ACSBG1: variants seen among roughly 807,000 people sequenced by gnomAD.
ACSBG1 encodes long-chain-fatty-acid--CoA ligase ACSBG1.
A neutral mutation model predicts 80.2 loss-of-function variants in ACSBG1; 39 were observed. The ratio of observed to expected loss-of-function variants is 0.49; its 90% CI spans 0.38 to 0.64. ACSBG1 has a LOEUF of 0.64. ACSBG1 is among the 30% of genes least tolerant of loss of function. ACSBG1 has a pLI of 0.00. For missense variants in ACSBG1, 828 were observed against 966.4 expected (o/e 0.86, Z 1.90); for synonymous variants, 392 against 379.5 (o/e 1.03, Z -0.38).
intron 2 of ACSBG1, among the ~76,000 whole-genome samples, chr15:78,194,972 C>T (rs1435231045): frequency 6.6e-6 from 1 of 152,242 alleles, no homozygotes; most frequent in East Asian, 1.9e-4. Context: ...GAGGAAATAA[C>T]TGGAGGACAG....
intron 10 of ACSBG1, among the ~76,000 whole-genome samples, chr15:78,179,318 C>T (rs1212813829): frequency 1.3e-5 from 2 of 152,140 alleles, no homozygotes; most frequent in Non-Finnish European, 2.9e-5. Context: ...TGTTTTCAAC[C>T]ACAGACTCAC....
Position 78,193,998 on chromosome 15 carries a change from C to G in ACSBG1, c.476G>C (p.Ser159Thr), listed in dbSNP as rs1459700676. The change falls in exon 4 of 14, where the codon AGT (serine) becomes ACT (threonine). Residue 159 changes from serine to threonine, a missense_variant. Coordinates refer to ENST00000258873, the MANE Select transcript of ACSBG1 (RefSeq NM_015162.5). ...FLKLGLKQAH[S>T]VAILGFNSPE... ...GGAGTTGAAGCCGAGGATGGCCACA[C>G]TGTGGGCCTGCTTCAGGCCGAGCTC... 2.5e-6 allele frequency: 4 copies of G among 1,614,036 alleles called. No homozygotes were observed. The highest frequency in any genetic ancestry group is 1.7e-5 in the Admixed American group (1 of 60,030).
chr15:78,183,631 A>C (rs11072737), intron 5 of ACSBG1, among the ~76,000 whole-genome samples: 151,140 of 152,324 alleles, frequency 0.99, 74,993 homozygotes, highest in Middle Eastern at 1. Context: ...TGTGTATAGG[A>C]AGAGCGGGAA....
In ACSBG1 at chr15:78,178,604, G is replaced by C. The variant is rs1200852095; in HGVS notation, c.1702+10C>G. On this transcript the variant is annotated intron_variant, in intron 11 of 13. Coordinates refer to ENST00000258873, the MANE Select transcript of ACSBG1 (RefSeq NM_015162.5). The surrounding 1 kb of genome is among the most constrained non-coding windows in gnomAD (Gnocchi z 4.3). ...GGCATGAGCCACCGTGCCTGGCCTG[G>C]GGTGCTCACCTTTGAGGCGCCCAGT... is the stretch of plus-strand genomic sequence containing the variant. The C allele has an allele frequency of 6.2e-7, 1 of 1,601,414 alleles. No homozygotes were observed. The highest frequency in any genetic ancestry group is 1.7e-5 in the Admixed American group (1 of 59,546).
At chr15:78,192,554 T>C in intron 5 of ACSBG1, among the ~76,000 whole-genome samples, 1 of 152,186 alleles carries the variant, frequency 6.6e-6, no homozygotes, top group East Asian at 1.9e-4. Context: ...AGGTTCTGCC[T>C]CAAGGGTCTG....
At position 78,178,908 on chromosome 15, in the gene ACSBG1, A is replaced by G. The variant is rs954924637; in HGVS notation, c.1485-77T>C. 2.1e-6 allele frequency: 3 copies of G among 1,428,702 alleles called. No individual in the cohort carries two copies. Among genetic ancestry groups the G allele is most frequent in the Non-Finnish European group, 2.8e-6 (3 of 1,064,892 alleles). The allele number at this position is 1,428,702 out of a possible 1,614,324, so 88.5% of individuals were successfully genotyped here. On this transcript the variant is annotated intron_variant, in intron 10 of 13. Transcript: ENST00000258873. This position sits in a 1 kb window ranked among gnomAD's most constrained non-coding sequence, Gnocchi z 4.3. ...CCCCCACTGGGGAGCCGGGGTCCCAACTGCTCGGTCTTCACTGATTGCTAG... is the reference window on the plus strand; with the variant it reads ...CCCCCACTGGGGAGCCGGGGTCCCAGCTGCTCGGTCTTCACTGATTGCTAG...
intron 5 of ACSBG1, among the ~76,000 whole-genome samples, chr15:78,192,320 G>C (rs903724065): frequency 1.3e-5 from 2 of 152,106 alleles, no homozygotes; most frequent in Non-Finnish European, 2.9e-5. Context: ...CTGCATTTGA[G>C]CTCTGGCAGG....
intron 1 of ACSBG1, among the ~76,000 whole-genome samples, chr15:78,223,068 G>C (rs2075371149): frequency 6.6e-6 from 1 of 152,148 alleles, no homozygotes; most frequent in Non-Finnish European, 1.5e-5. Context: ...CAACATATGG[G>C]AAGTAACCTA....
chr15:78,187,703 C>T (rs2075018964), intron 5 of ACSBG1, among the ~76,000 whole-genome samples: 1 of 152,034 alleles, frequency 6.6e-6, no homozygotes, highest in African/African-American at 2.4e-5. Context: ...CTATGACAAA[C>T]CCACAGCCAA....
intron 5 of ACSBG1, among the ~76,000 whole-genome samples, chr15:78,191,209 A>G (rs1595887681): frequency 6.6e-6 from 1 of 152,246 alleles, no homozygotes; most frequent in East Asian, 1.9e-4. Flanking sequence ...TCAAGAAAAC[A>G]TAATAATCTA....
intron 1 of ACSBG1, among the ~76,000 whole-genome samples, chr15:78,215,739 A>AAAGGAAGAAAGAAAGAAAGAAAGG (rs748940789): frequency 2.1e-4 from 30 of 140,574 alleles, no homozygotes; most frequent in South Asian, 1.4e-3. Context: ...AGAAAGAAAG[A>AAAGGAAGAAAGAAAGAAAGAAAGG]AAGAAAGAAA....
At chr15:78,230,801 A>T (rs974978245) in intron 1 of ACSBG1, among the ~76,000 whole-genome samples, 4 of 152,102 alleles carry the variant, frequency 2.6e-5, no homozygotes, top group African/African-American at 9.7e-5. Flanking sequence ...GCCACATGGA[A>T]CTGTAAGTCC....
intron 1 of ACSBG1, chr15:78,226,384 T>C (rs2075400609): frequency 6.6e-6 from 1 of 152,298 alleles, no homozygotes; most frequent in African/African-American, 2.4e-5. Flanking sequence ...AGAGGCTGCA[T>C]ACTGCACCTA....
chr15:78,174,262 G>C, intron 12 of ACSBG1, 123 bp downstream of exon 12: 2 of 1,374,848 alleles, frequency 1.5e-6, no homozygotes, highest in East Asian at 2.3e-5. Context: ...GCACGGACTT[G>C]AGTCATTCCA....
At chr15:78,224,455 C>T (rs193010374) in intron 1 of ACSBG1, among the ~76,000 whole-genome samples, 4 of 152,250 alleles carry the variant, frequency 2.6e-5, no homozygotes, top group East Asian at 1.9e-4. Context: ...CGTGGTGGCT[C>T]ACTCCTGTAA....
intron 1 of ACSBG1, among the ~76,000 whole-genome samples, chr15:78,233,207 C>T (rs1399522601): frequency 6.6e-6 from 1 of 152,236 alleles, no homozygotes; most frequent in East Asian, 1.9e-4. Flanking sequence ...CTCTTGGAGG[C>T]TTTGCAGGGA....
chr15:78,222,038 C>T (rs2075363335), intron 1 of ACSBG1, among the ~76,000 whole-genome samples: 1 of 152,206 alleles, frequency 6.6e-6, no homozygotes, highest in Non-Finnish European at 1.5e-5. Flanking sequence ...CTTTTCCCCA[C>T]ACAACCCAAA....
chr15:78,193,847 G>A (rs2271902), intron 4 of ACSBG1, 85 bp downstream of exon 4: 115,500 of 1,511,998 alleles, frequency 0.076, 5,425 homozygotes, highest in South Asian at 0.19. Flanking sequence ...GTGGGTGGGG[G>A]CTGCTAAAAA....
At chr15:78,195,245 A>C (rs1338889905) in intron 2 of ACSBG1, among the ~76,000 whole-genome samples, 1 of 152,164 alleles carries the variant, frequency 6.6e-6, no homozygotes, top group Non-Finnish European at 1.5e-5. Context: ...AAATAACAAC[A>C]GTCTTTGCTC....
Sources: allele counts gnomAD v4.1 joint callset (sites outside exome capture counted in the v4.1 genomes callset), GRCh38; gene constraint gnomAD v4.1.1; non-coding constraint Gnocchi (gnomAD v3.1); transcripts MANE v1.5; gene names NCBI Gene and HGNC (gene_info 2026-07-23, HGNC 2026-07-21).